The following ARHGAP20 variants were observed in gnomAD, a reference collection of about 807,000 sequenced individuals.
ARHGAP20 encodes rho GTPase-activating protein 20.
In ARHGAP20, 34 loss-of-function variants were observed where a neutral mutation model predicts 73.7. That is an observed-to-expected ratio of 0.46 (90% CI 0.35 to 0.61). The LOEUF (loss-of-function observed/expected upper bound fraction) is 0.61. Among genes scored for constraint, ARHGAP20 ranks in the 20% least tolerant of loss-of-function variants. The pLI is 0.00. For missense variants in ARHGAP20, 1,314 were observed against 1,420.9 expected, an observed-to-expected ratio of 0.92 and a Z score of 1.21; for synonymous variants, 523 against 518.2, an observed-to-expected ratio of 1.01 and a Z score of -0.13.
At chr11:110,592,282 G>T (rs1033409639) in intron 9 of ARHGAP20, 127 bp from the exon 10 acceptor site, 1 of 776,438 alleles carries the variant, frequency 1.3e-6, no homozygotes, top group Non-Finnish European at 1.9e-6. Context: ...GATGGCTTTT[G>T]TCATTGACAA....
intron 2 of ARHGAP20, among the ~76,000 whole-genome samples, chr11:110,659,026 G>T (rs1034665703): frequency 6.6e-6 from 1 of 151,772 alleles, no homozygotes; most frequent in African/African-American, 2.4e-5. Context: ...ACATACGTGT[G>T]CATGTGTCTT....
chr11:110,705,044 G>A (rs989018882), intron 1 of ARHGAP20, among the ~76,000 whole-genome samples: 8 of 151,902 alleles, frequency 5.3e-5, no homozygotes, highest in African/African-American at 1.7e-4. Flanking sequence ...TATTTTAGTG[G>A]CAATTTAAGT....
At chr11:110,677,833 A>G (rs981601775) in intron 2 of ARHGAP20, among the ~76,000 whole-genome samples, 2 of 152,174 alleles carry the variant, frequency 1.3e-5, no homozygotes, top group African/African-American at 4.8e-5. Flanking sequence ...TGGTTCCTCA[A>G]AAGATTAGTG....
At position 110,609,832 on chromosome 11, in the gene ARHGAP20, AC is replaced by A. The variant is rs1591313180; in HGVS notation, c.709-783del. ...CTTACAATACCATAAAAACCATTCC[AC>A]CCCCCATACTCAGTTTATCTGTTAC... On this transcript the variant is annotated intron_variant, in intron 7 of 14. Coordinates refer to ENST00000683387, the MANE Select transcript of ARHGAP20 (RefSeq NM_001384657.1). 2.0e-5 allele frequency among the ~76,000 whole-genome samples: 3 copies of A among 150,888 alleles called. No individual in the cohort carries two copies. In the East Asian group the frequency reaches 5.8e-4, roughly 29 times the overall value.
intron 2 of ARHGAP20, among the ~76,000 whole-genome samples, chr11:110,668,205 C>A: frequency 6.6e-6 from 1 of 152,120 alleles, no homozygotes. Context: ...TTGCCACAGC[C>A]AACCAACCTT....
chr11:110,711,005 C>CAAAAAAAAAAAAAAAA (rs11461759), intron 1 of ARHGAP20, among the ~76,000 whole-genome samples: 1 of 82,550 alleles, frequency 1.2e-5, no homozygotes, highest in Non-Finnish European at 2.6e-5. Flanking sequence ...TAAGACAAGG[C>CAAAAAAAAAAAAAAAA]AAAAAAAAAA....
intron 2 of ARHGAP20, 83 bp from the exon 3 acceptor site, chr11:110,630,875 A>G (rs1023258116): frequency 1.4e-6 from 2 of 1,413,052 alleles, no homozygotes; most frequent in Non-Finnish European, 1.9e-6. Context: ...AATTTTTTTT[A>G]ATACAATGGT....
Position 110,577,401 on chromosome 11 carries a change from A to G in ARHGAP20, c.*1969T>C, listed in dbSNP as rs1947313766. 8.7e-7 allele frequency: 1 copy of G among 1,155,424 alleles called. No individual in the cohort carries two copies. The highest frequency in any genetic ancestry group is 1.1e-6 in the Non-Finnish European group (1 of 940,046). 71.6% of individuals were successfully genotyped at this position (1,155,424 alleles called of 1,614,324 possible). ...GGGAACACAGATAGTAGGAATGGTTATTAAAAAACCTCAGCAACTATTTTC... is the reference window on the plus strand; with the variant it reads ...GGGAACACAGATAGTAGGAATGGTTGTTAAAAAACCTCAGCAACTATTTTC... On this transcript the variant is annotated 3_prime_UTR_variant, in exon 15 of 15. Coordinates refer to ENST00000683387, the MANE Select transcript of ARHGAP20 (RefSeq NM_001384657.1).
At chr11:110,710,915 C>T (rs1043732071) in intron 1 of ARHGAP20, among the ~76,000 whole-genome samples, 1 of 151,770 alleles carries the variant, frequency 6.6e-6, no homozygotes, top group South Asian at 2.1e-4. Context: ...CAAATGCAAT[C>T]CCTTAAGATA....
Position 110,581,080 on chromosome 11 carries a change from G to A in ARHGAP20, c.1866C>T (p.Asp622=). The A allele has an allele frequency of 6.2e-7, 1 of 1,614,226 alleles. No individual in the cohort carries two copies. Among genetic ancestry groups the A allele is most frequent in the Non-Finnish European group, 8.5e-7 (1 of 1,180,046 alleles). ...RSMDSVLTLS[D]YDLDQPEVEG... Reference sequence around the variant, plus strand: ...CCACCTCGGGCTGGTCAAGATCATAGTCACTGAGGGTTAAGACAGAGTCCA... The same window carrying A: ...CCACCTCGGGCTGGTCAAGATCATAATCACTGAGGGTTAAGACAGAGTCCA... The change falls in exon 15 of 15, where the codon GAC becomes GAT. Residue 622 remains aspartate, a synonymous_variant. Transcript: ENST00000683387.
At chr11:110,589,554 CT>C in intron 11 of ARHGAP20, 1 of 985,418 alleles carries the variant, frequency 1.0e-6, no homozygotes, top group Non-Finnish European at 1.2e-6. Context: ...CATTCCAATC[CT>C]TTGGGAGGTG....
rs781545921 is a variant in ARHGAP20, at chr11:110,592,048, T to C, written c.1072A>G (p.Met358Val). ...GAAATTCCAAAGAGCTGTCCTGGCA[T>C]AGGTGATGTTGGCGATGAGGGCAAG... is the stretch of plus-strand genomic sequence containing the variant. The part of the protein sequence containing the change: ...DNLPSSPTSP[M>V]PGQLFGISLP... Residue 358 changes from methionine to valine, a missense_variant, in exon 10 of 15, where the codon ATG becomes GTG. Around this residue, in one of 3 missense-constraint regions of ARHGAP20, gnomAD observed 443 missense variants for 466.4 expected, o/e 0.95. Coordinates refer to ENST00000683387, the MANE Select transcript of ARHGAP20 (RefSeq NM_001384657.1). 3 of 1,614,142 alleles carry C rather than the reference T, an allele frequency of 1.9e-6. No individual in the cohort carries two copies. Among genetic ancestry groups the C allele is most frequent in the Admixed American group, 1.7e-5 (1 of 60,020 alleles).
At chr11:110,583,803 T>A (rs933196113) in intron 12 of ARHGAP20, 66 bp from the exon 13 acceptor site, 15 of 1,314,660 alleles carry the variant, frequency 1.1e-5, no homozygotes, top group African/African-American at 4.5e-5. Flanking sequence ...GACAAGCAAC[T>A]CTCACTTTGA....
At position 110,579,210 on chromosome 11, in the gene ARHGAP20, G is replaced by A. The variant is rs1302161120; in HGVS notation, c.*160C>T. Reference sequence around the variant, plus strand: ...ATTTTTAGCATAAAGTATTTGTCAAGTAGTCTCAATAAAGAGAATTATTTC... The same window carrying A: ...ATTTTTAGCATAAAGTATTTGTCAAATAGTCTCAATAAAGAGAATTATTTC... On this transcript the variant is annotated 3_prime_UTR_variant, in exon 15 of 15. Coordinates refer to ENST00000683387, the MANE Select transcript of ARHGAP20 (RefSeq NM_001384657.1). The A allele has an allele frequency of 7.5e-7, 1 of 1,328,086 alleles. No homozygotes were observed. Among genetic ancestry groups the A allele is most frequent in the Non-Finnish European group, 9.6e-7 (1 of 1,037,918 alleles). 82.3% of individuals were successfully genotyped at this position (1,328,086 alleles called of 1,614,324 possible).
intron 9 of ARHGAP20, among the ~76,000 whole-genome samples, chr11:110,602,234 T>G (rs1053995232): frequency 1.7e-4 from 25 of 149,604 alleles, no homozygotes; most frequent in Admixed American, 8.6e-4. Flanking sequence ...TTTTTTTTTA[T>G]TACTTATTAT....
rs1477891567 is a variant in ARHGAP20 at position 110,577,390 on chromosome 11, T to C, written c.*1980A>G. ...GGAGTATCTAAGGGAACACAGATAG[T>C]AGGAATGGTTATTAAAAAACCTCAG... On this transcript the variant is annotated 3_prime_UTR_variant, in exon 15 of 15. Transcript: ENST00000683387. The C allele has an allele frequency of 4.8e-5, 56 of 1,175,844 alleles. No individual in the cohort carries two copies. The highest frequency in any genetic ancestry group is 5.7e-5 in the Non-Finnish European group (54 of 953,286). 72.8% of individuals were successfully genotyped at this position (1,175,844 alleles called of 1,614,324 possible). A position where few individuals can be genotyped will look rare whatever the true frequency, so the allele number is the denominator to read the frequency against.
Position 110,580,407 on chromosome 11 carries a change from C to G in ARHGAP20, c.2539G>C (p.Glu847Gln). 6.2e-7 allele frequency: 1 copy of G among 1,614,236 alleles called. No homozygotes were observed. Among genetic ancestry groups the G allele is most frequent in the Non-Finnish European group, 8.5e-7 (1 of 1,180,048 alleles). ...CGGTTCTGGTCTTCTATGTTGGGCT[C>G]TGAGCAGCGCCGATGTGTCCTTGGA... ...KGPRTHRRCS[E>Q]PNIEDQNRKL... The change falls in exon 15 of 15, where the codon GAG (glutamate) becomes CAG (glutamine). Residue 847 changes from glutamate to glutamine, a missense_variant. Glu to Gln is a conservative substitution (Grantham distance 29). Transcript: ENST00000683387.
intron 2 of ARHGAP20, among the ~76,000 whole-genome samples, chr11:110,641,158 A>G (rs1949070080): frequency 6.6e-6 from 1 of 152,058 alleles, no homozygotes; most frequent in African/African-American, 2.4e-5. Context: ...CAATACATCA[A>G]CAATGATACT....
chr11:110,578,224 C>A lies in ARHGAP20; in HGVS notation c.*1146G>T. 1 of 985,414 alleles carries A rather than the reference C, an allele frequency of 1.0e-6. No homozygotes were observed. Among genetic ancestry groups the A allele is most frequent in the Non-Finnish European group, 1.2e-6 (1 of 829,926 alleles). 61.0% of individuals were successfully genotyped at this position (985,414 alleles called of 1,614,324 possible). ...AAACATTTGGGGCAAAAATATGGAA[C>A]AACGTCTGGAAGCAAAACCCAAAGC... On this transcript the variant is annotated 3_prime_UTR_variant, in exon 15 of 15. Coordinates refer to ENST00000683387, the MANE Select transcript of ARHGAP20 (RefSeq NM_001384657.1).
Sources: allele counts gnomAD v4.1 joint callset (sites outside exome capture counted in the v4.1 genomes callset), GRCh38; gene constraint gnomAD v4.1.1; regional missense constraint gnomAD v4.1.1; transcripts MANE v1.5; gene names NCBI Gene and HGNC (gene_info 2026-07-23, HGNC 2026-07-21).